Variants in MVD observed in about 807,000 individuals in gnomAD.
The protein encoded by MVD is diphosphomevalonate decarboxylase.
A neutral mutation model predicts 42.4 loss-of-function variants in MVD; 52 were observed. The ratio of observed to expected loss-of-function variants is 1.23; its 90% confidence interval spans 0.98 to 1.55. The LOEUF (loss-of-function observed/expected upper bound fraction) is 1.55, where lower values mean the gene tolerates loss of function less well. Ranked by LOEUF, MVD falls within the 40% of genes most tolerant of loss-of-function variation. The pLI, the probability that MVD is intolerant of heterozygous loss-of-function variation, is 0.00. For missense variants in MVD, 663 were observed against 572.1 expected (o/e 1.16, Z -1.62); for synonymous variants, 287 against 243.2 (o/e 1.18, Z -1.68).
intron 1 of MVD, among the ~76,000 whole-genome samples, chr16:88,659,798 T>C (rs1373799213): frequency 6.6e-6 from 1 of 151,766 alleles, no homozygotes; most frequent in Non-Finnish European, 1.5e-5. Flanking sequence ...AAACCCCATC[T>C]CTACTAAAAA....
In MVD at chr16:88,657,134, G is replaced by GA. The variant is rs765409064; in HGVS notation, c.403+301_403+302insT. Reference sequence around the variant, plus strand: ...TTTTTTTATTTTTTGTAGAGATGGGGGGGGGTCTCACTATGTTGCCCAGGC... The same window carrying GA: ...TTTTTTTATTTTTTGTAGAGATGGGGAGGGGGTCTCACTATGTTGCCCAGGC... On this transcript the variant is annotated intron_variant, in intron 4 of 9. Coordinates refer to ENST00000301012, the MANE Select transcript of MVD (RefSeq NM_002461.3). The GA allele has an allele frequency of 5.0e-6, 3 of 595,594 alleles. No individual in the cohort carries two copies. The East Asian group carries it at 1.0e-4, about 21-fold the overall frequency. The allele number at this position is 595,594 out of a possible 1,614,324, so 36.9% of individuals were successfully genotyped here.
At chr16:88,657,073 C>T in intron 4 of MVD, 1 of 404,472 alleles carries the variant, frequency 2.5e-6, no homozygotes, top group Non-Finnish European at 4.7e-6. Context: ...CTATCACTGA[C>T]AATCTAGAGG....
At position 88,652,565 on chromosome 16, in the gene MVD, T is replaced by A. The variant is rs1329492615; in HGVS notation, c.1163A>T (p.His388Leu). ...CGGCAGGCCGTCAGGACCCAGGAGG[T>A]GGGCGCAGGGGTCATCCAGGATTTG... ...GPQILDDPCA[H>L]LLGPDGLPKP... The change falls in exon 10 of 10, where the codon CAC becomes CTC. Residue 388 changes from histidine to leucine, a missense_variant. Physicochemically the swap from His to Leu is moderately conservative, Grantham distance 99 (BLOSUM62 -3). Coordinates refer to ENST00000301012, the MANE Select transcript of MVD (RefSeq NM_002461.3). 6.4e-7 allele frequency: 1 copy of A among 1,570,864 alleles called. No individual in the cohort carries two copies. The highest frequency in any genetic ancestry group is 1.2e-5 in the South Asian group (1 of 85,578).
At chr16:88,661,319 G>C (rs1908275285) in intron 1 of MVD, among the ~76,000 whole-genome samples, 2 of 152,156 alleles carry the variant, frequency 1.3e-5, no homozygotes, top group South Asian at 4.1e-4. Flanking sequence ...AGGACAAAAA[G>C]ATTAGCTAGT....
intron 3 of MVD, 101 bp downstream of exon 3, chr16:88,657,814 C>G: frequency 1.5e-6 from 2 of 1,357,470 alleles, no homozygotes; most frequent in Non-Finnish European, 1.0e-6. Context: ...CCAGCCACCC[C>G]GCCTGCTGCC....
rs1597375716 is a variant in MVD, at chr16:88,652,414, G to A, written c.*111C>T. 7.9e-7 allele frequency: 1 copy of A among 1,258,698 alleles called. No homozygotes were observed. Among genetic ancestry groups the A allele is most frequent in the Non-Finnish European group, 1.1e-6 (1 of 887,426 alleles). The allele number at this position is 1,258,698 out of a possible 1,614,324, so 78.0% of individuals were successfully genotyped here. ...ACAGCAAGCTGCCCATGGGCCCGGGGTCAAGCCACCACCCACATGTCCCAG... is the reference window on the plus strand; with the variant it reads ...ACAGCAAGCTGCCCATGGGCCCGGGATCAAGCCACCACCCACATGTCCCAG... On this transcript the variant is annotated 3_prime_UTR_variant, in exon 10 of 10. Transcript: ENST00000301012.
chr16:88,660,361 T>C lies in MVD; in HGVS notation c.71-1641A>G, dbSNP rs1207802287. 7.9e-5 allele frequency among the ~76,000 whole-genome samples: 12 copies of C among 152,216 alleles called. No individual in the cohort carries two copies. The East Asian group carries it at 2.3e-3, about 29-fold the overall frequency. ...GGACACGTTTCCATAAATATCACTG[T>C]TGGTGAGCCTCAGTGGCTCACACCT... On this transcript the variant is annotated intron_variant, in intron 1 of 9. Transcript: ENST00000301012.
intron 2 of MVD, 69 bp downstream of exon 2, chr16:88,658,581 C>A (rs768612733): frequency 2.0e-6 from 3 of 1,495,834 alleles, no homozygotes; most frequent in South Asian, 2.4e-5. Context: ...CCATACCCAA[C>A]GGGTACCAAC....
In MVD at chr16:88,656,163, A is replaced by G. The variant is rs769238255; in HGVS notation, c.545T>C (p.Ile182Thr). ...TGACTCGGGGGCCACTTGCCGAGCG[A>G]TGCTGTCCTTCCCGTCGGCCTGCTC... ...MGEQADGKDS[I>T]ARQVAPESHW... The change falls in exon 5 of 10, where the codon ATC becomes ACC. Residue 182 changes from isoleucine (I) to threonine (T), a missense_variant. Coordinates refer to ENST00000301012, the MANE Select transcript of MVD (RefSeq NM_002461.3). 5.0e-6 allele frequency: 8 copies of G among 1,602,118 alleles called. No homozygotes were observed. The highest frequency in any genetic ancestry group is 5.1e-6 in the Non-Finnish European group (6 of 1,179,902).
At chr16:88,661,863 A>G (rs1034498838) in intron 1 of MVD, among the ~76,000 whole-genome samples, 4 of 149,378 alleles carry the variant, frequency 2.7e-5, no homozygotes, top group African/African-American at 7.3e-5. Context: ...AAGTATATAT[A>G]TAATATATAT....
At position 88,653,329 on chromosome 16, in the gene MVD, C is replaced by T. The variant is rs113497258; in HGVS notation, c.1093G>A (p.Gly365Ser). The T allele has an allele frequency of 7.7e-4, 1,229 of 1,600,644 alleles. 4 individuals carry two copies. In the African/African-American group the frequency reaches 9.3e-3, roughly 12 times the overall value. The change falls in exon 9 of 10, where the codon GGT (glycine) becomes AGT (serine). Residue 365 changes from glycine to serine, a missense_variant. Gly to Ser is a moderately conservative substitution (Grantham distance 56, BLOSUM62 0). Coordinates refer to ENST00000301012, the MANE Select transcript of MVD (RefSeq NM_002461.3). The part of the protein sequence containing the change: ...QAALAMEPTP[G>S]GVKYIIVTQV... ...GTGACAATGATGTATTTGACCCCACCGGGGGTCGGCTCCATGGCCAGCGCA... is the reference window on the plus strand; with the variant it reads ...GTGACAATGATGTATTTGACCCCACTGGGGGTCGGCTCCATGGCCAGCGCA...
rs1287607785 is a variant in MVD at position 88,653,282 on chromosome 16, G to A, written c.1122+18C>T. 7 of 1,588,398 alleles carry A rather than the reference G, an allele frequency of 4.4e-6. 1 individual carries two copies. The South Asian group carries it at 7.9e-5, about 18-fold the overall frequency. ...AGGAAAGGAAACCCCGGGGTACTGG[G>A]TGAGCCCCAGGCCTCACCTGAGTGA... On this transcript the variant is annotated intron_variant, in intron 9 of 9. Coordinates refer to ENST00000301012, the MANE Select transcript of MVD (RefSeq NM_002461.3).
At chr16:88,653,434 T>C in intron 8 of MVD, 26 bp from the exon 9 acceptor site, 2 of 1,572,810 alleles carry the variant, frequency 1.3e-6, no homozygotes, top group Non-Finnish European at 1.7e-6. Flanking sequence ...AGGGGCACGG[T>C]GAATGCATCC....
chr16:88,656,206 C>T lies in MVD; in HGVS notation c.502G>A (p.Val168Met). Residue 168 changes from valine (V) to methionine (M), a missense_variant, in exon 5 of 10, where the codon GTG (valine) becomes ATG (methionine). By Grantham distance (21) the Val-to-Met change is conservative. Coordinates refer to ENST00000301012, the MANE Select transcript of MVD (RefSeq NM_002461.3). Reference sequence around the variant, plus strand: ...GCCTGCTCTCCCATCTGCCACTCCACAAAGCCCCCATACAGGCTCCGGCAG... The same window carrying T: ...GCCTGCTCTCCCATCTGCCACTCCATAAAGCCCCCATACAGGCTCCGGCAG... ...SACRSLYGGF[V>M]EWQMGEQADG... 1.2e-6 allele frequency: 2 copies of T among 1,601,498 alleles called. No homozygotes were observed. The highest frequency in any genetic ancestry group is 1.7e-6 in the Non-Finnish European group (2 of 1,179,952).
chr16:88,655,531 C>G, intron 6 of MVD, 114 bp from the exon 7 acceptor site: 1 of 1,507,012 alleles, frequency 6.6e-7, no homozygotes, highest in Non-Finnish European at 8.9e-7. Context: ...GCATTTGGCT[C>G]CTGCACGTGG....
intron 2 of MVD, 83 bp downstream of exon 2, chr16:88,658,567 G>T: frequency 7.2e-7 from 1 of 1,385,852 alleles, no homozygotes; most frequent in Non-Finnish European, 1.0e-6. Context: ...GCAGATGTGA[G>T]CCACCATACC....
Position 88,658,812 on chromosome 16 carries a change from C to A in MVD, c.71-92G>T, listed in dbSNP as rs529713905. ...GGTGCCCCCACCCCCCACCCACGGCCCCCATCCGCCTCAGTCCCGTCTCTC... is the reference window on the plus strand; with the variant it reads ...GGTGCCCCCACCCCCCACCCACGGCACCCATCCGCCTCAGTCCCGTCTCTC... On this transcript the variant is annotated intron_variant, in intron 1 of 9. Coordinates refer to ENST00000301012, the MANE Select transcript of MVD (RefSeq NM_002461.3). 123 of 876,948 alleles carry A rather than the reference C, an allele frequency of 1.4e-4. 1 individual carries two copies. The South Asian group carries it at 1.5e-3, about 11-fold the overall frequency. The allele number at this position is 876,948 out of a possible 1,614,324, so 54.3% of individuals were successfully genotyped here. A position where few individuals can be genotyped will look rare whatever the true frequency, so the allele number is the denominator to read the frequency against.
chr16:88,662,016 A>G (rs1908333589), intron 1 of MVD: 1 of 152,038 alleles, frequency 6.6e-6, no homozygotes, highest in Non-Finnish European at 1.5e-5. Flanking sequence ...GCATATATAT[A>G]TATCTACCAT....
At chr16:88,658,625 T>A (rs765259256) in intron 2 of MVD, 25 bp downstream of exon 2, 1 of 1,607,952 alleles carries the variant, frequency 6.2e-7, no homozygotes, top group Non-Finnish European at 8.5e-7. Flanking sequence ...GGCACTGTGG[T>A]GTTTAGTCGT....
Sources: gnomAD v4.1 joint callset for allele counts (sites outside exome capture counted in the v4.1 genomes callset) on GRCh38, gnomAD v4.1.1 for gene constraint, MANE v1.5 for transcripts, NCBI Gene and HGNC (gene_info 2026-07-23, HGNC 2026-07-21) for gene names.